The following CSMD1 variants were observed in gnomAD, a reference collection of about 807,000 sequenced individuals.
The protein encoded by CSMD1 is CUB and sushi domain-containing protein 1.
CSMD1 carries 213 observed loss-of-function variants against 417.5 expected under a neutral mutation model. That is an observed-to-expected ratio of 0.51 (90% CI 0.46 to 0.57). The LOEUF (loss-of-function observed/expected upper bound fraction) is 0.57. Among genes scored for constraint, CSMD1 ranks in the 20% least tolerant of loss-of-function variants. The pLI is 0.00. For synonymous variants in CSMD1, 2,862 were observed against 1,736.8 expected (o/e 1.65, Z -16.11); for missense variants, 6,923 against 4,529.7 (o/e 1.53, Z -15.17).
chr8:2,997,800 T>G (rs1056878430), intron 54 of CSMD1, among the ~76,000 whole-genome samples: 2 of 152,190 alleles, frequency 1.3e-5, no homozygotes, highest in African/African-American at 4.8e-5. Flanking sequence ...TAATTCTAGA[T>G]TTTCGTAATT....
At chr8:3,801,004 C>T (rs1800425094) in intron 5 of CSMD1, among the ~76,000 whole-genome samples, 1 of 151,972 alleles carries the variant, frequency 6.6e-6, no homozygotes, top group East Asian at 1.9e-4. Flanking sequence ...TAGCTAAAAT[C>T]ATAAAAATAT....
chr8:3,820,139 G>C (rs1801645260), intron 5 of CSMD1, among the ~76,000 whole-genome samples: 1 of 152,160 alleles, frequency 6.6e-6, no homozygotes, highest in South Asian at 2.1e-4. Flanking sequence ...CTTGACCCTG[G>C]TCAGTTTAAT....
intron 1 of CSMD1, among the ~76,000 whole-genome samples, chr8:4,774,183 G>C (rs1055718535): frequency 2.0e-5 from 3 of 152,192 alleles, no homozygotes; most frequent in South Asian, 2.1e-4. Context: ...CTGGGTGACA[G>C]AGCGAGGCTG....
At chr8:4,021,978 G>T (rs553465865) in intron 4 of CSMD1, among the ~76,000 whole-genome samples, 3 of 151,836 alleles carry the variant, frequency 2.0e-5, no homozygotes, top group South Asian at 4.2e-4. Flanking sequence ...TGCTGCCTAG[G>T]AAAGGATAGT....
In CSMD1 at chr8:3,840,565, C is replaced by T. The variant is rs1313998732; in HGVS notation, c.819-86523G>A. On this transcript the variant is annotated intron_variant, in intron 5 of 69. Coordinates refer to ENST00000635120, the MANE Select transcript of CSMD1 (RefSeq NM_033225.6). ...TAATTCAATCAAAATGCAAGCATGC[C>T]TCCTTATTTCAAGTTAAAACATGTG... Among the ~76,000 whole-genome samples, 3 of 151,942 alleles carry T rather than the reference C, an allele frequency of 2.0e-5. No homozygotes were observed. In the East Asian group the frequency reaches 5.8e-4, roughly 29 times the overall value.
intron 2 of CSMD1, among the ~76,000 whole-genome samples, chr8:4,424,394 G>C (rs1797425283): frequency 6.6e-6 from 1 of 151,822 alleles, no homozygotes; most frequent in African/African-American, 2.4e-5. Flanking sequence ...GAAAAGTCAG[G>C]TGACCTAAAG....
intron 3 of CSMD1, among the ~76,000 whole-genome samples, chr8:4,155,167 T>A (rs1260992715): frequency 6.6e-6 from 1 of 152,168 alleles, no homozygotes; most frequent in African/African-American, 2.4e-5. Context: ...GCACTGACTG[T>A]TTACATAATT....
At chr8:4,725,048 A>G (rs1809334678) in intron 1 of CSMD1, among the ~76,000 whole-genome samples, 2 of 152,212 alleles carry the variant, frequency 1.3e-5, no homozygotes, top group Admixed American at 6.6e-5. Context: ...TATTTTAAAC[A>G]TAAAAGGGGA....
chr8:4,257,356 T>C (rs530855858), intron 3 of CSMD1, among the ~76,000 whole-genome samples: 21 of 152,308 alleles, frequency 1.4e-4, no homozygotes, highest in African/African-American at 3.8e-4. Context: ...GGTTGAATAA[T>C]TTTCTCCTTT....
intron 1 of CSMD1, among the ~76,000 whole-genome samples, chr8:4,946,299 T>G (rs967927545): frequency 4.6e-5 from 7 of 152,172 alleles, no homozygotes; most frequent in Admixed American, 3.9e-4. Flanking sequence ...AAAACTAACC[T>G]CAATCAATTA....
chr8:3,582,479 A>G (rs958541057), intron 9 of CSMD1, among the ~76,000 whole-genome samples: 1 of 152,178 alleles, frequency 6.6e-6, no homozygotes, highest in Non-Finnish European at 1.5e-5. Context: ...AGTGGGGCAC[A>G]ACTCACTGGG....
At chr8:4,312,302 A>C (rs1428873399) in intron 3 of CSMD1, among the ~76,000 whole-genome samples, 2 of 151,226 alleles carry the variant, frequency 1.3e-5, no homozygotes, top group Non-Finnish European at 1.5e-5. Context: ...TAGGTATTTT[A>C]ACACACATGA....
chr8:4,030,569 T>C (rs2407260), intron 4 of CSMD1, among the ~76,000 whole-genome samples: 18,908 of 152,156 alleles, frequency 0.12, 1,470 homozygotes, highest in South Asian at 0.23. Flanking sequence ...TCAAAACTAC[T>C]TTTATTCTCC....
At chr8:3,754,697 T>G (rs1367693737) in intron 5 of CSMD1, among the ~76,000 whole-genome samples, 4 of 152,212 alleles carry the variant, frequency 2.6e-5, no homozygotes, top group African/African-American at 9.6e-5. Context: ...TCAGGTGATC[T>G]GCCTGCCTTG....
chr8:4,556,617 T>C (rs1798099862), intron 2 of CSMD1, among the ~76,000 whole-genome samples: 2 of 152,344 alleles, frequency 1.3e-5, no homozygotes, highest in African/African-American at 4.8e-5. Flanking sequence ...AATAATCCTG[T>C]TCATTTTTTC....
intron 1 of CSMD1, among the ~76,000 whole-genome samples, chr8:4,671,548 T>C (rs1273224095): frequency 1.3e-5 from 2 of 152,200 alleles, no homozygotes; most frequent in African/African-American, 4.8e-5. Flanking sequence ...GCATCACTTT[T>C]TCCTCTCCAC....
At chr8:3,625,936 T>G (rs1191053385) in intron 7 of CSMD1, among the ~76,000 whole-genome samples, 1 of 152,226 alleles carries the variant, frequency 6.6e-6, no homozygotes, top group African/African-American at 2.4e-5. Flanking sequence ...GAGAAAATGT[T>G]TTCCTTATAA....
chr8:3,995,495 C>T (rs1206009668), intron 5 of CSMD1, among the ~76,000 whole-genome samples: 3 of 152,214 alleles, frequency 2.0e-5, no homozygotes, highest in African/African-American at 4.8e-5. Context: ...AGAAACTCTA[C>T]TTCTCTGACA....
At chr8:3,244,013 C>T (rs1799717235) in intron 26 of CSMD1, among the ~76,000 whole-genome samples, 1 of 152,068 alleles carries the variant, frequency 6.6e-6, no homozygotes, top group South Asian at 2.1e-4. Context: ...CCCTGCGTAC[C>T]TCGATAGATA....
Sources: allele counts gnomAD v4.1 joint callset (sites outside exome capture counted in the v4.1 genomes callset), GRCh38; gene constraint gnomAD v4.1.1; transcripts MANE v1.5; gene names NCBI Gene and HGNC (gene_info 2026-07-23, HGNC 2026-07-21).